Variants in CSRNP1 observed in about 807,000 individuals in gnomAD.
The protein encoded by CSRNP1 is cysteine and serine rich nuclear protein 1, also known as cysteine/serine-rich nuclear protein 1.
CSRNP1 carries 8 observed loss-of-function variants against 25.0 expected under a neutral mutation model. That is an observed-to-expected ratio of 0.32 (90% CI 0.19 to 0.58). The LOEUF (loss-of-function observed/expected upper bound fraction) is 0.58, where lower values mean the gene tolerates loss of function less well. CSRNP1 is among the 20% of genes least tolerant of loss of function. CSRNP1 has a pLI of 0.88. For missense variants in CSRNP1, 691 were observed against 773.1 expected (o/e 0.89, Z 1.26); for synonymous variants, 305 against 303.1 (o/e 1.01, Z -0.06).
chr3:39,154,207 C>T (rs2039627487), upstream of CSRNP1: 1 of 152,216 alleles, frequency 6.6e-6, no homozygotes, highest in African/African-American at 2.4e-5. Flanking sequence ...GAACTTCATT[C>T]CTGCCCACGG....
intron 3 of CSRNP1, 131 bp downstream of exon 3, chr3:39,144,866 C>T: frequency 1.8e-6 from 2 of 1,139,274 alleles, no homozygotes; most frequent in Non-Finnish European, 2.4e-6. Flanking sequence ...AAGCCAATCA[C>T]CAGGCCCACA....
Position 39,142,885 on chromosome 3 carries a change from AG to A in CSRNP1, c.*169del. On this transcript the variant is annotated 3_prime_UTR_variant, in exon 5 of 5. Transcript: ENST00000273153. ...CCCAGTCCTCTCTTCAGCACAGAAA[AG>A]TTAAAACAAATAAATAAATCCAGAG... 7 of 799,922 alleles carry A rather than the reference AG, an allele frequency of 8.8e-6. No individual in the cohort carries two copies. Among genetic ancestry groups the A allele is most frequent in the Non-Finnish European group, 1.3e-5 (7 of 531,282 alleles). 49.6% of individuals were successfully genotyped at this position (799,922 alleles called of 1,614,324 possible).
rs1044782222 is a variant in CSRNP1 at position 39,142,073 on chromosome 3, A to G, written c.*982T>C. On this transcript the variant is annotated 3_prime_UTR_variant, in exon 5 of 5. Coordinates refer to ENST00000273153, the MANE Select transcript of CSRNP1 (RefSeq NM_033027.4). ...ACATTAGCAAACAAAGGGTATAAAA[A>G]CCCTCAGGAGCCACCCCTCGCCAAC... is the stretch of plus-strand genomic sequence containing the variant. 4 of 152,544 alleles carry G rather than the reference A, an allele frequency of 2.6e-5. No individual in the cohort carries two copies. The highest frequency in any genetic ancestry group is 9.7e-5 in the African/African-American group (4 of 41,438). 9.4% of individuals were successfully genotyped at this position (152,544 alleles called of 1,614,324 possible).
At chr3:39,146,419 A>C (rs1236742746) in intron 2 of CSRNP1, 59 bp downstream of exon 2, 5 of 1,475,672 alleles carry the variant, frequency 3.4e-6, no homozygotes, top group Non-Finnish European at 4.5e-6. Context: ...GGGACTTCTA[A>C]ATTTCATCTT....
rs1228721603 is a variant in CSRNP1, at chr3:39,144,373, C to T, written c.544G>A (p.Glu182Lys). 1 of 1,614,078 alleles carries T rather than the reference C, an allele frequency of 6.2e-7. No homozygotes were observed. The highest frequency in any genetic ancestry group is 2.2e-5 in the East Asian group (1 of 44,876). The stretch of plus-strand genomic sequence containing the variant: ...CCTGCCACAGCGACTGCCAAGTCCT[C>T]CTCCACAGAGGCGTCATCAATGGCA... ...VDAIDDASVE[E>K]DLAVAVAGGR... is the part of the protein sequence containing the mutation. The change falls in exon 4 of 5, where the codon GAG becomes AAG. Residue 182 changes from glutamate (E) to lysine (K), a missense_variant. Transcript: ENST00000273153.
intron 1 of CSRNP1, among the ~76,000 whole-genome samples, chr3:39,147,781 G>C (rs1286973553): frequency 6.6e-6 from 1 of 152,102 alleles, no homozygotes; most frequent in African/African-American, 2.4e-5. Flanking sequence ...CCTTCCCAAG[G>C]TTTGGCAAGC....
chr3:39,146,862 C>G (rs1019420874), intron 1 of CSRNP1, 140 bp from the exon 2 acceptor site: 18 of 1,168,036 alleles, frequency 1.5e-5, no homozygotes, highest in Admixed American at 2.8e-5. Context: ...CTGTGGAGCT[C>G]TGTGTGGGGG....
intron 2 of CSRNP1, among the ~76,000 whole-genome samples, chr3:39,145,499 G>T (rs1008493525): frequency 1.3e-5 from 2 of 152,190 alleles, no homozygotes; most frequent in Non-Finnish European, 2.9e-5. Flanking sequence ...GACAGTATTC[G>T]TAAGATTAAA....
Position 39,144,340 on chromosome 3 carries a change from A to G in CSRNP1, c.577T>C (p.Leu193=), listed in dbSNP as rs752619572. The part of the protein sequence containing the change: ...DLAVAVAGGR[L]EEVSFLQPYP... ...GGCTGTAGGAAGCTCACTTCTTCCA[A>G]CCGGCCACCTGCCACAGCGACTGCC... Residue 193 remains leucine, a synonymous_variant, in exon 4 of 5, where the codon TTG becomes CTG. Coordinates refer to ENST00000273153, the MANE Select transcript of CSRNP1 (RefSeq NM_033027.4). 6.2e-7 allele frequency: 1 copy of G among 1,614,062 alleles called. No homozygotes were observed. Among genetic ancestry groups the G allele is most frequent in the African/African-American group, 1.3e-5 (1 of 75,036 alleles).
rs544223636 is a variant in CSRNP1 at position 39,150,192 on chromosome 3, T to C, written c.-41+3246A>G. ...TCTTTTGTTTAAGCAACCCAGTCTA[T>C]GGACTTTCCATTATAGCAGCCCAAA... On this transcript the variant is annotated intron_variant, in intron 1 of 4. Coordinates refer to ENST00000273153, the MANE Select transcript of CSRNP1 (RefSeq NM_033027.4). The C allele has an allele frequency of 1.6e-4, 25 of 152,342 alleles. 1 individual carries two copies. The highest frequency in any genetic ancestry group is 1.4e-3 in the Admixed American group (21 of 15,306). The allele number at this position is 152,342 out of a possible 1,614,324, so 9.4% of individuals were successfully genotyped here.
In CSRNP1 at chr3:39,144,131, C is replaced by T. The variant is rs1219398009; in HGVS notation, c.780+6G>A. ...CAGGATCCCCATCCCAGTCCAGCCA[C>T]CACACCTGGCACTTGATGCCTGCCA... On this transcript the variant is annotated splice_donor_region_variant and intron_variant, in intron 4 of 4. Transcript: ENST00000273153. 3.7e-6 allele frequency: 6 copies of T among 1,611,386 alleles called. No homozygotes were observed. The highest frequency in any genetic ancestry group is 5.1e-6 in the Non-Finnish European group (6 of 1,178,278).
intron 1 of CSRNP1, chr3:39,150,019 T>A (rs2039560669): frequency 6.6e-6 from 1 of 152,072 alleles, no homozygotes; most frequent in African/African-American, 2.4e-5. Context: ...TTATAAGAAG[T>A]GACACAAAAG....
chr3:39,149,564 C>G (rs1465211418), intron 1 of CSRNP1: 1 of 152,300 alleles, frequency 6.6e-6, no homozygotes, highest in African/African-American at 2.4e-5. Context: ...CCCAGCCATT[C>G]TTGATCCTGC....
Position 39,144,281 on chromosome 3 carries a change from C to T in CSRNP1, c.636G>A (p.Arg212=). 4 of 1,614,180 alleles carry T rather than the reference C, an allele frequency of 2.5e-6. No individual in the cohort carries two copies. Among genetic ancestry groups the T allele is most frequent in the Non-Finnish European group, 3.4e-6 (4 of 1,180,034 alleles). Residue 212 remains arginine, a synonymous_variant, in exon 4 of 5, where the codon AGG becomes AGA. Transcript: ENST00000273153. ...YPARRRRALL[R]ASGVRRIDRE... is the part of the protein sequence containing the mutation. ...GATCGATCCTTCGCACACCTGAAGC[C>T]CTCAGCAGAGCTCGACGTCGCCGGG...
At position 39,142,793 on chromosome 3, in the gene CSRNP1, T is replaced by C; in HGVS notation, c.*262A>G. ...CATTTTCTCCTCTTCCAGGCTCACG[T>C]TGTGGAGATAGAAGAGCAAGCTGTG... On this transcript the variant is annotated 3_prime_UTR_variant, in exon 5 of 5. Transcript: ENST00000273153. 2 of 366,040 alleles carry C rather than the reference T, an allele frequency of 5.5e-6. No homozygotes were observed. The highest frequency in any genetic ancestry group is 4.4e-5 in the East Asian group (1 of 22,542). 22.7% of individuals were successfully genotyped at this position (366,040 alleles called of 1,614,324 possible).
chr3:39,143,159 G>A lies in CSRNP1; in HGVS notation c.1666C>T (p.Leu556Phe). The A allele has an allele frequency of 1.2e-6, 2 of 1,614,220 alleles. No individual in the cohort carries two copies. Among genetic ancestry groups the A allele is most frequent in the African/African-American group, 1.3e-5 (1 of 75,052 alleles). Residue 556 changes from leucine (L) to phenylalanine (F), a missense_variant, in exon 5 of 5, where the codon CTC (leucine) becomes TTC (phenylalanine). Transcript: ENST00000273153. ...GCGGCTGGCTCGGAGAAGCCCATGAGGGACTCCAGGAAGCAACTGCTGGCA... is the reference window on the plus strand; with the variant it reads ...GCGGCTGGCTCGGAGAAGCCCATGAAGGACTCCAGGAAGCAACTGCTGGCA... Reference protein sequence around the residue: ...GDASSCFLESLMGFSEPAAEA... With the variant: ...GDASSCFLESFMGFSEPAAEA...
chr3:39,148,680 A>C (rs1359555441), intron 1 of CSRNP1: 2 of 151,944 alleles, frequency 1.3e-5, no homozygotes, highest in Non-Finnish European at 2.9e-5. Flanking sequence ...CCACCCACCC[A>C]GTCACTCAAG....
intron 1 of CSRNP1, 138 bp from the exon 2 acceptor site, chr3:39,146,860 C>T (rs1105163): frequency 0.48 from 579,845 of 1,198,654 alleles, 145,412 homozygotes; most frequent in East Asian, 0.67. Context: ...GCCTGTGGAG[C>T]TCTGTGTGGG....
At chr3:39,148,619 C>T (rs372326898) in intron 1 of CSRNP1, 3 of 152,476 alleles carry the variant, frequency 2.0e-5, no homozygotes, top group African/African-American at 7.2e-5. Context: ...TTCCCCACCC[C>T]CCATGCCATC....
Sources: allele counts gnomAD v4.1 joint callset (sites outside exome capture counted in the v4.1 genomes callset), GRCh38; gene constraint gnomAD v4.1.1; transcripts MANE v1.5; gene names NCBI Gene and HGNC (gene_info 2026-07-23, HGNC 2026-07-21).